KIAA1549: variants seen among roughly 807,000 people sequenced by gnomAD.
The protein encoded by KIAA1549 is KIAA1549, also known as UPF0606 protein KIAA1549.
A neutral mutation model predicts 156.4 loss-of-function variants in KIAA1549; 70 were observed. The ratio of observed to expected loss-of-function variants is 0.45; its 90% CI spans 0.37 to 0.55. The LOEUF (loss-of-function observed/expected upper bound fraction) is 0.55. KIAA1549 is among the 20% of genes least tolerant of loss of function. The pLI, the probability that KIAA1549 is intolerant of heterozygous loss-of-function variation, is 0.00. For synonymous variants in KIAA1549, 1,103 were observed against 1,066.4 expected (o/e 1.03, Z -0.67); for missense variants, 2,428 against 2,540.9 (o/e 0.96, Z 0.96).
At chr7:138,874,048 CTA>C (rs1491276172) in intron 12 of KIAA1549, among the ~76,000 whole-genome samples, 10 of 146,138 alleles carry the variant, frequency 6.8e-5, no homozygotes, top group African/African-American at 2.5e-4. Flanking sequence ...TAATATATTA[CTA>C]TTAGTAATTA....
intron 1 of KIAA1549, among the ~76,000 whole-genome samples, chr7:138,921,467 T>C (rs1812561021): frequency 6.6e-6 from 1 of 152,164 alleles, no homozygotes; most frequent in African/African-American, 2.4e-5. Context: ...GACCTCACAA[T>C]ATGACCATAT....
At position 138,879,592 on chromosome 7, in the gene KIAA1549, C is replaced by G. The variant is rs1165384907; in HGVS notation, c.4291G>C (p.Asp1431His). 1 of 1,569,056 alleles carries G rather than the reference C, an allele frequency of 6.4e-7. No homozygotes were observed. Among genetic ancestry groups the G allele is most frequent in the Non-Finnish European group, 8.6e-7 (1 of 1,156,846 alleles). The change falls in exon 12 of 20, where the codon GAT (aspartate) becomes CAT (histidine). Residue 1431 changes from aspartate to histidine, a missense_variant. Physicochemically the swap from Asp to His is moderately conservative, Grantham distance 81. Around this residue, in one of 5 missense-constraint regions of KIAA1549, gnomAD observed 404 missense variants for 417.0 expected, o/e 0.97. Coordinates refer to ENST00000422774, the MANE Select transcript of KIAA1549 (RefSeq NM_001164665.2). ...SEESSERDAG[D>H]KTPGAVNDGR... is the part of the protein sequence containing the mutation. ...TCGTTGACGGCTCCCGGCGTCTTAT[C>G]TCCTGCGTCCCTCTCGCTGGACTCT...
chr7:138,943,657 G>A (rs954788133), intron 1 of KIAA1549, among the ~76,000 whole-genome samples: 1 of 152,094 alleles, frequency 6.6e-6, no homozygotes, highest in Non-Finnish European at 1.5e-5. Flanking sequence ...AGACCATCCT[G>A]GCTAACATGG....
At chr7:138,972,980 C>T (rs1243125607) in intron 1 of KIAA1549, among the ~76,000 whole-genome samples, 1 of 152,116 alleles carries the variant, frequency 6.6e-6, no homozygotes, top group African/African-American at 2.4e-5. Context: ...CGCCACCACA[C>T]CTGGCTAATT....
chr7:138,839,778 C>CTTTTATTTT (rs1809852278), intron 19 of KIAA1549, among the ~76,000 whole-genome samples: 1 of 61,326 alleles, frequency 1.6e-5, no homozygotes, highest in African/African-American at 6.5e-5. Context: ...GGGATTATGT[C>CTTTTATTTT]TTTTTTTTTT....
At chr7:138,839,662 T>C (rs942328968) in intron 19 of KIAA1549, among the ~76,000 whole-genome samples, 3 of 151,768 alleles carry the variant, frequency 2.0e-5, no homozygotes, top group Non-Finnish European at 2.9e-5. Flanking sequence ...TGCTAAAAAC[T>C]GTAAGCCAAA....
intron 1 of KIAA1549, among the ~76,000 whole-genome samples, chr7:138,939,597 A>G (rs1289768554): frequency 6.6e-6 from 1 of 152,184 alleles, no homozygotes; most frequent in Non-Finnish European, 1.5e-5. Context: ...TAGATTCAGA[A>G]TCAATGTTTT....
intron 15 of KIAA1549, 134 bp from the exon 16 acceptor site, chr7:138,861,590 C>T (rs1810580695): frequency 2.7e-6 from 2 of 737,490 alleles, no homozygotes. Flanking sequence ...CAGTGGCTCA[C>T]ACCTTTAATT....
In KIAA1549 at chr7:138,835,960, C is replaced by A. The variant is rs761096421; in HGVS notation, c.*1946G>T. On this transcript the variant is annotated 3_prime_UTR_variant, in exon 20 of 20. Coordinates refer to ENST00000422774, the MANE Select transcript of KIAA1549 (RefSeq NM_001164665.2). ...CTGGCTACATCTTACCTTCCCAGAA[C>A]CAACTTCCCTCATATTGTAAGACTC... is the stretch of plus-strand genomic sequence containing the variant. 2.7e-4 allele frequency: 57 copies of A among 212,814 alleles called. No homozygotes were observed. The highest frequency in any genetic ancestry group is 4.9e-4 in the Non-Finnish European group (52 of 105,270). 13.2% of individuals were successfully genotyped at this position (212,814 alleles called of 1,614,324 possible).
intron 1 of KIAA1549, among the ~76,000 whole-genome samples, chr7:138,945,563 G>A (rs1211899531): frequency 6.6e-6 from 1 of 152,184 alleles, no homozygotes; most frequent in African/African-American, 2.4e-5. Context: ...ATTCGCTTTT[G>A]AGTTGAGACT....
intron 1 of KIAA1549, among the ~76,000 whole-genome samples, chr7:138,930,297 C>T (rs1215809333): frequency 6.6e-6 from 1 of 152,050 alleles, no homozygotes. Context: ...TCTTAAGGGC[C>T]CCAGACTTTT....
intron 8 of KIAA1549, among the ~76,000 whole-genome samples, chr7:138,902,528 C>T (rs1045986072): frequency 6.6e-6 from 1 of 152,190 alleles, no homozygotes; most frequent in Non-Finnish European, 1.5e-5. Flanking sequence ...AAATTAATGA[C>T]AGCCCCAACC....
chr7:138,889,744 A>C (rs1327663328), intron 10 of KIAA1549, among the ~76,000 whole-genome samples: 1 of 152,226 alleles, frequency 6.6e-6, no homozygotes, highest in Non-Finnish European at 1.5e-5. Flanking sequence ...GTGAGTCATC[A>C]CCTTCTATAC....
At chr7:138,880,046 T>C (rs923085827) in intron 11 of KIAA1549, among the ~76,000 whole-genome samples, 4 of 152,196 alleles carry the variant, frequency 2.6e-5, no homozygotes, top group Admixed American at 6.5e-5. Context: ...GTCTGCAGAA[T>C]CCTCAGGATG....
intron 16 of KIAA1549, among the ~76,000 whole-genome samples, chr7:138,859,253 T>A (rs566830322): frequency 1.6e-3 from 244 of 152,172 alleles, no homozygotes; most frequent in Middle Eastern, 6.8e-3. Flanking sequence ...TTCTATTGAA[T>A]CGGGACTCTA....
chr7:138,883,913 T>C (rs1811318163), intron 10 of KIAA1549, among the ~76,000 whole-genome samples: 1 of 152,164 alleles, frequency 6.6e-6, no homozygotes, highest in South Asian at 2.1e-4. Context: ...CCTGAGGATG[T>C]CTTTTTACAG....
chr7:138,849,467 A>AT (rs1386990354), intron 17 of KIAA1549, among the ~76,000 whole-genome samples: 1 of 151,880 alleles, frequency 6.6e-6, no homozygotes, highest in Non-Finnish European at 1.5e-5. Flanking sequence ...TCATTTTAGG[A>AT]TGTTTTGATT....
intron 1 of KIAA1549, among the ~76,000 whole-genome samples, chr7:138,951,219 C>T (rs1238394437): frequency 6.6e-6 from 1 of 152,162 alleles, no homozygotes; most frequent in African/African-American, 2.4e-5. Context: ...GCATGAGCCA[C>T]CATGCCCAGC....
chr7:138,873,863 A>G (rs1176199487), intron 12 of KIAA1549, among the ~76,000 whole-genome samples: 2 of 151,526 alleles, frequency 1.3e-5, no homozygotes, highest in East Asian at 3.9e-4. Context: ...TCCAGCTTCC[A>G]TACTGCCCAG....
Sources: gnomAD v4.1 joint callset for allele counts (sites outside exome capture counted in the v4.1 genomes callset) on GRCh38, gnomAD v4.1.1 for gene constraint, gnomAD v4.1.1 regional missense constraint, MANE v1.5 for transcripts, NCBI Gene and HGNC (gene_info 2026-07-23, HGNC 2026-07-21) for gene names.